The following CLIC2 variants were observed in gnomAD, a reference collection of about 807,000 sequenced individuals.
CLIC2 encodes CLIC family member 2.
CLIC2 carries 9 observed loss-of-function variants against 14.8 expected under a neutral mutation model. The ratio of observed to expected loss-of-function variants is 0.61; its 90% CI spans 0.37 to 1.06. CLIC2 has a LOEUF of 1.06. Ranked by LOEUF, CLIC2 falls within the 50% of genes least tolerant of loss-of-function variation. The pLI, the probability that CLIC2 is intolerant of heterozygous loss-of-function variation, is 0.01. For synonymous variants in CLIC2, 61 were observed against 66.3 expected, an observed-to-expected ratio of 0.92 and a Z score of 0.39; for missense variants, 148 against 181.4, an observed-to-expected ratio of 0.82 and a Z score of 1.06.
intron 1 of CLIC2, among the ~76,000 whole-genome samples, chrX:155,304,246 A>G (rs2124186555): frequency 9.7e-6 from 1 of 103,212 alleles, no homozygotes; most frequent in African/African-American, 3.5e-5. Context: ...GTCTTTTCAC[A>G]TAGTCCCATA....
At chrX:155,319,472 C>T (rs2075106331) in intron 1 of CLIC2, among the ~76,000 whole-genome samples, 1 of 112,008 alleles carries the variant, frequency 8.9e-6, no homozygotes, top group African/African-American at 3.2e-5. Flanking sequence ...AACTCCCTCC[C>T]CTAACCAAGG....
chrX:155,326,466 A>G (rs2075138765), intron 1 of CLIC2, among the ~76,000 whole-genome samples: 1 of 112,154 alleles, frequency 8.9e-6, no homozygotes, highest in South Asian at 3.7e-4. Flanking sequence ...AAGAATGCAC[A>G]GAAATATTGC....
intron 1 of CLIC2, among the ~76,000 whole-genome samples, chrX:155,314,100 C>A (rs1007939127): frequency 6.3e-5 from 7 of 110,952 alleles, no homozygotes; most frequent in Admixed American, 5.7e-4. Context: ...TCTTTCTCTA[C>A]CCACCCTGGT....
chrX:155,290,093 T>C (rs1557317437), intron 3 of CLIC2, among the ~76,000 whole-genome samples: 1 of 112,354 alleles, frequency 8.9e-6, no homozygotes, highest in Non-Finnish European at 1.9e-5. Flanking sequence ...TTAACAAGTA[T>C]GTGAAAGTGT....
chrX:155,311,944 C>A (rs947720440), intron 1 of CLIC2, among the ~76,000 whole-genome samples: 13 of 111,720 alleles, frequency 1.2e-4, no homozygotes, highest in Non-Finnish European at 2.4e-4. Context: ...ATTCAATTAT[C>A]TCCCACTGGG....
chrX:155,299,623 T>C (rs1261964335), intron 1 of CLIC2, among the ~76,000 whole-genome samples: 1 of 109,016 alleles, frequency 9.2e-6, no homozygotes, highest in South Asian at 4.1e-4. Context: ...ATGTGCACAT[T>C]GTGCAGGTTA....
chrX:155,323,789 T>C (rs2075126297), intron 1 of CLIC2, among the ~76,000 whole-genome samples: 1 of 112,090 alleles, frequency 8.9e-6, no homozygotes, highest in African/African-American at 3.2e-5. Flanking sequence ...AACCCCATTG[T>C]CTCAGCCCAA....
intron 1 of CLIC2, among the ~76,000 whole-genome samples, chrX:155,322,652 G>A (rs939682213): frequency 1.6e-4 from 18 of 111,402 alleles, no homozygotes; most frequent in Non-Finnish European, 3.4e-4. Context: ...AACTAGAGAA[G>A]CAAGAGCAAA....
chrX:155,323,048 CA>C (rs1569561390), intron 1 of CLIC2, among the ~76,000 whole-genome samples: 1 of 111,751 alleles, frequency 8.9e-6, no homozygotes, highest in African/African-American at 3.3e-5. Context: ...AACAGTTTAC[CA>C]ACCAAAAAAG....
chrX:155,294,233 C>T (rs1334111746), intron 3 of CLIC2, among the ~76,000 whole-genome samples: 2 of 111,560 alleles, frequency 1.8e-5, no homozygotes, highest in Admixed American at 1.9e-4. Context: ...ATCAAATCAA[C>T]TATAAATAAA....
intron 1 of CLIC2, chrX:155,309,504 TA>T (rs2075066682): frequency 4.2e-6 from 1 of 237,156 alleles, no homozygotes; most frequent in Admixed American, 5.0e-5. Flanking sequence ...ATGCTGCTGA[TA>T]AAGACATACA....
intron 5 of CLIC2, chrX:155,278,901 T>TCC (rs2074908353): frequency 3.0e-6 from 1 of 335,408 alleles, no homozygotes; most frequent in African/African-American, 2.6e-5. Context: ...GCCACTGCAC[T>TCC]CCAACCTGGG....
chrX:155,305,065 C>G (rs782520329), intron 1 of CLIC2, among the ~76,000 whole-genome samples: 2 of 112,340 alleles, frequency 1.8e-5, no homozygotes, highest in South Asian at 7.5e-4. Flanking sequence ...GAGGTGGAGC[C>G]TACAGAGGCA....
At chrX:155,291,469 A>C (rs921116459) in intron 3 of CLIC2, 7 of 398,497 alleles carry the variant, frequency 1.8e-5, no homozygotes, top group African/African-American at 1.0e-4. Context: ...AAACAGGGAT[A>C]GTTTGACTTT....
At chrX:155,296,490 T>C (rs911232224) in intron 3 of CLIC2, among the ~76,000 whole-genome samples, 2 of 111,411 alleles carry the variant, frequency 1.8e-5, no homozygotes, top group East Asian at 2.8e-4. Flanking sequence ...GCACAGGCAA[T>C]AGAAACAAAA....
intron 3 of CLIC2, among the ~76,000 whole-genome samples, chrX:155,284,445 G>A (rs966948462): frequency 9.1e-5 from 10 of 109,956 alleles, no homozygotes; most frequent in Non-Finnish European, 1.3e-4. Flanking sequence ...TTTTAGTAGA[G>A]ATGGGGTTTC....
At chrX:155,278,869 G>T (rs1272849776) in intron 5 of CLIC2, 10 of 263,284 alleles carry the variant, frequency 3.8e-5, no homozygotes, top group Non-Finnish European at 6.1e-5. Flanking sequence ...CAGAGGTGGG[G>T]GTTGCAATAA....
At chrX:155,334,244 A>G in intron 1 of CLIC2, 127 bp downstream of exon 1, 1 of 568,596 alleles carries the variant, frequency 1.8e-6, no homozygotes, top group East Asian at 3.3e-5. Context: ...TAGAACTCAG[A>G]GTAGGAAAAT....
rs1339111039 is a variant in CLIC2, at chrX:155,302,161, T to C, written c.58-3016A>G. Among the ~76,000 whole-genome samples, 39 of 107,343 alleles carry C rather than the reference T, an allele frequency of 3.6e-4. No individual in the cohort carries two copies. In the Admixed American group the frequency reaches 3.8e-3, roughly 11 times the overall value. 93.2% of individuals were successfully genotyped at this position (107,343 alleles called of 115,157 possible). On this transcript the variant is annotated intron_variant, in intron 1 of 5. Transcript: ENST00000369449. Reference sequence around the variant, plus strand: ...AGAGTTTCAGAAGGAATGGTACCAGTTCCTCCTTGTACCTCTGGTAGAATT... The same window carrying C: ...AGAGTTTCAGAAGGAATGGTACCAGCTCCTCCTTGTACCTCTGGTAGAATT...
Sources: allele counts gnomAD v4.1 joint callset (sites outside exome capture counted in the v4.1 genomes callset), GRCh38; gene constraint gnomAD v4.1.1; transcripts MANE v1.5; gene names NCBI Gene and HGNC (gene_info 2026-07-23, HGNC 2026-07-21).